The following STRN3 variants were observed in gnomAD, a reference collection of about 807,000 sequenced individuals.
The protein encoded by STRN3 is striatin 3.
A neutral mutation model predicts 95.6 loss-of-function variants in STRN3; 29 were observed. That is an observed-to-expected ratio of 0.30 (90% CI 0.23 to 0.41). The LOEUF (loss-of-function observed/expected upper bound fraction) is 0.41. Among genes scored for constraint, STRN3 ranks in the 10% least tolerant of loss-of-function variants. STRN3 has a pLI of 1.00. For synonymous variants in STRN3, 331 were observed against 357.6 expected (o/e 0.93, Z 0.84); for missense variants, 890 against 972.1 (o/e 0.92, Z 1.12).
intron 1 of STRN3, among the ~76,000 whole-genome samples, chr14:31,019,722 G>GA (rs987524736): frequency 6.6e-5 from 10 of 150,724 alleles, no homozygotes; most frequent in African/African-American, 2.4e-4. Context: ...TACCTTTTTT[G>GA]AAAAAAAACT....
intron 1 of STRN3, among the ~76,000 whole-genome samples, chr14:30,957,664 C>A (rs943710110): frequency 2.6e-5 from 4 of 152,056 alleles, no homozygotes; most frequent in Admixed American, 2.0e-4. Flanking sequence ...TGCCTTTTAT[C>A]CTTATTTCCT....
chr14:30,976,738 T>C (rs533553379), intron 1 of STRN3, among the ~76,000 whole-genome samples: 9 of 152,284 alleles, frequency 5.9e-5, no homozygotes, highest in African/African-American at 2.2e-4. Flanking sequence ...TCCCAGCATA[T>C]AGGAAATTAA....
chr14:30,943,230 AC>A (rs1269638325), intron 5 of STRN3, among the ~76,000 whole-genome samples: 8 of 152,232 alleles, frequency 5.3e-5, no homozygotes, highest in African/African-American at 1.9e-4. Context: ...TAACATGCCT[AC>A]ATTAGGGCAG....
chr14:30,909,631 C>A (rs1300756048), intron 13 of STRN3, among the ~76,000 whole-genome samples: 1 of 152,102 alleles, frequency 6.6e-6, no homozygotes, highest in Non-Finnish European at 1.5e-5. Flanking sequence ...GCATGTGACA[C>A]CCCATCTGGC....
intron 1 of STRN3, among the ~76,000 whole-genome samples, chr14:30,987,680 T>C (rs1881760940): frequency 6.6e-6 from 1 of 152,114 alleles, no homozygotes; most frequent in Non-Finnish European, 1.5e-5. Flanking sequence ...AGAAAGATTA[T>C]TCTGACTACT....
chr14:30,967,372 G>C (rs1294630609), intron 1 of STRN3, among the ~76,000 whole-genome samples: 1 of 152,080 alleles, frequency 6.6e-6, no homozygotes, highest in African/African-American at 2.4e-5. Context: ...CAGAGAAAGA[G>C]AAAAATAGTA....
chr14:30,905,551 T>C lies in STRN3; in HGVS notation c.1896A>G (p.Gly632=). ...CTATAAAGTCAACTGATGTAGGTAT[T>C]CCATGCTCTGAAATGAGCCCAAAGA... ...ICTYNGDKKH[G]IPTSVDFIGC... Residue 632 remains glycine (G), a synonymous_variant, in exon 15 of 18, where the codon GGA becomes GGG. Transcript: ENST00000357479. 1.9e-6 allele frequency: 3 copies of C among 1,599,884 alleles called. No individual in the cohort carries two copies. Among genetic ancestry groups the C allele is most frequent in the Non-Finnish European group, 1.7e-6 (2 of 1,175,240 alleles).
chr14:30,984,266 TAAAA>T (rs755650146), intron 1 of STRN3, among the ~76,000 whole-genome samples: 19,229 of 87,146 alleles, frequency 0.22, 2,302 homozygotes, highest in Middle Eastern at 0.36. Context: ...TGAGGAATTC[TAAAA>T]AAAAAAAAAA....
intron 1 of STRN3, among the ~76,000 whole-genome samples, chr14:30,980,634 C>T (rs970256723): frequency 2.0e-5 from 3 of 152,108 alleles, no homozygotes; most frequent in African/African-American, 7.2e-5. Flanking sequence ...AACTCCTGAC[C>T]TTGTGATCTG....
Position 30,936,494 on chromosome 14 carries a change from CTTTATG to C in STRN3, c.841_846del (p.His281_Lys282del). 2 of 1,609,480 alleles carry C rather than the reference CTTTATG, an allele frequency of 1.2e-6. No homozygotes were observed. Among genetic ancestry groups the C allele is most frequent in the Middle Eastern group, 1.7e-4 (1 of 6,028 alleles). On this transcript the variant is annotated inframe_deletion and splice_region_variant, in exon 6 of 18. Transcript: ENST00000357479. ...ATAAGAATATAAAATGTAATTCCTA[CTTTATG>C]TTTATTCATCCGATGTTTGTCTTTT...
intron 8 of STRN3, among the ~76,000 whole-genome samples, chr14:30,919,950 GA>G: frequency 6.6e-6 from 1 of 151,872 alleles, no homozygotes; most frequent in Non-Finnish European, 1.5e-5. Flanking sequence ...AAGAATGTCA[GA>G]AAAAAACTTT....
intron 1 of STRN3, among the ~76,000 whole-genome samples, chr14:31,011,671 G>A (rs1882974067): frequency 6.6e-6 from 1 of 151,786 alleles, no homozygotes; most frequent in Non-Finnish European, 1.5e-5. Flanking sequence ...TGCAAAACAT[G>A]TTAAGTGCTA....
intron 5 of STRN3, among the ~76,000 whole-genome samples, chr14:30,940,536 T>A (rs907345921): frequency 6.6e-6 from 1 of 152,206 alleles, no homozygotes; most frequent in Non-Finnish European, 1.5e-5. Flanking sequence ...AATGCCTGAT[T>A]CCTAGTCTTT....
At chr14:30,902,793 A>G (rs543830025) in intron 15 of STRN3, 150 bp from the exon 16 acceptor site, 204 of 589,214 alleles carry the variant, frequency 3.5e-4, no homozygotes, top group Non-Finnish European at 5.3e-4. Context: ...CAAGGACTCT[A>G]GAGAGATTTT....
chr14:31,007,974 C>T (rs1285586328), intron 1 of STRN3, among the ~76,000 whole-genome samples: 7 of 152,072 alleles, frequency 4.6e-5, no homozygotes, highest in Admixed American at 4.6e-4. Flanking sequence ...AGGCGGATCA[C>T]CTGAGGTCAG....
chr14:30,945,712 A>G (rs1011917153), intron 5 of STRN3, among the ~76,000 whole-genome samples: 17 of 152,248 alleles, frequency 1.1e-4, no homozygotes, highest in African/African-American at 3.9e-4. Flanking sequence ...GATGCATGCT[A>G]TAACACGGAT....
rs1594572858 is a variant in STRN3, at chr14:31,005,658, C to A, written c.282+20246G>T. 2.6e-5 allele frequency among the ~76,000 whole-genome samples: 4 copies of A among 152,312 alleles called. No homozygotes were observed. The South Asian group carries it at 8.3e-4, about 32-fold the overall frequency. On this transcript the variant is annotated intron_variant, in intron 1 of 17. Transcript: ENST00000357479. ...TCACTAACAGATGACTTGAAGAAAT[C>A]TGACACCAAAGAATTCAGCAGGTAT...
chr14:31,010,711 G>C (rs1189287154), intron 1 of STRN3, among the ~76,000 whole-genome samples: 1 of 151,954 alleles, frequency 6.6e-6, no homozygotes, highest in South Asian at 2.1e-4. Flanking sequence ...AGTAGCCCCC[G>C]CCCCACAGTG....
At chr14:30,964,788 C>T (rs1313886488) in intron 1 of STRN3, among the ~76,000 whole-genome samples, 8 of 152,110 alleles carry the variant, frequency 5.3e-5, no homozygotes, top group South Asian at 4.2e-4. Context: ...GCTGTGGTGG[C>T]GCGCACCTGT....
Sources: gnomAD v4.1 joint callset for allele counts (sites outside exome capture counted in the v4.1 genomes callset) on GRCh38, gnomAD v4.1.1 for gene constraint, MANE v1.5 for transcripts, NCBI Gene and HGNC (gene_info 2026-07-23, HGNC 2026-07-21) for gene names.